SH3KBP1: variants seen among roughly 807,000 people sequenced by gnomAD.
SH3KBP1 encodes the protein SH3 domain containing kinase binding protein 1.
A neutral mutation model predicts 50.1 loss-of-function variants in SH3KBP1; 8 were observed. The observed-to-expected ratio is 0.16, with a 90% CI of 0.09 to 0.29. SH3KBP1 has a LOEUF of 0.29. Ranked by LOEUF, SH3KBP1 falls within the 10% of genes least tolerant of loss-of-function variation. The pLI is 1.00. For synonymous variants in SH3KBP1, 227 were observed against 218.6 expected, an observed-to-expected ratio of 1.04 and a Z score of -0.34; for missense variants, 377 against 535.2, an observed-to-expected ratio of 0.70 and a Z score of 2.92.
intron 1 of SH3KBP1, among the ~76,000 whole-genome samples, chrX:19,871,149 T>C (rs1156674251): frequency 8.9e-6 from 1 of 112,572 alleles, no homozygotes; most frequent in Non-Finnish European, 1.9e-5. Context: ...TCTGGATAAA[T>C]AGAACTTTCT....
At chrX:19,743,379 A>G (rs1181497998) in intron 3 of SH3KBP1, among the ~76,000 whole-genome samples, 5 of 109,821 alleles carry the variant, frequency 4.6e-5, no homozygotes, top group Non-Finnish European at 9.5e-5. Flanking sequence ...ACTGCACTCC[A>G]GCCTGGATGT....
chrX:19,572,393 A>G (rs2066056078), intron 12 of SH3KBP1, among the ~76,000 whole-genome samples: 2 of 92,800 alleles, frequency 2.2e-5, no homozygotes. Flanking sequence ...TAGTACATAC[A>G]TATGTTATAT....
At position 19,541,411 on chromosome X, in the gene SH3KBP1, T is replaced by C. The variant is rs368126501; in HGVS notation, c.1892+514A>G. Among the ~76,000 whole-genome samples, 35 of 111,668 alleles carry C rather than the reference T, an allele frequency of 3.1e-4. 1 individual carries two copies. The East Asian group carries it at 4.5e-3, about 14-fold the overall frequency. ...CTGCCCCGCCCCGCCCACTGCAGTC[T>C]CATGGTGAGAACATCTTACTGAGTG... On this transcript the variant is annotated intron_variant, in intron 16 of 17. Coordinates refer to ENST00000397821, the MANE Select transcript of SH3KBP1 (RefSeq NM_031892.3).
chrX:19,878,301 C>CTTT (rs397956540), intron 1 of SH3KBP1, among the ~76,000 whole-genome samples: 4 of 92,880 alleles, frequency 4.3e-5, no homozygotes, highest in Non-Finnish European at 8.4e-5. Context: ...TGATGTAGAC[C>CTTT]TTTTTTTTTT....
At chrX:19,875,707 G>A (rs1459176308) in intron 1 of SH3KBP1, among the ~76,000 whole-genome samples, 1 of 112,811 alleles carries the variant, frequency 8.9e-6, no homozygotes, top group Admixed American at 9.3e-5. Context: ...AGAAGCTCCG[G>A]TGGGCTCAGT....
intron 2 of SH3KBP1, among the ~76,000 whole-genome samples, chrX:19,760,031 T>TCTCCTCTCTCC (rs1569459369): frequency 1.5e-5 from 1 of 68,927 alleles, no homozygotes; most frequent in Non-Finnish European, 2.7e-5. Flanking sequence ...CTCCTCTCTC[T>TCTCCTCTCTCC]CTCTCTCTCC....
At chrX:19,844,213 C>A (rs981761036) in intron 1 of SH3KBP1, among the ~76,000 whole-genome samples, 16 of 111,238 alleles carry the variant, frequency 1.4e-4, no homozygotes, top group African/African-American at 5.2e-4. Context: ...ACATGCCCTC[C>A]CTACACACAC....
chrX:19,824,506 C>A (rs1053582421), intron 2 of SH3KBP1, among the ~76,000 whole-genome samples: 2 of 111,370 alleles, frequency 1.8e-5, no homozygotes, highest in African/African-American at 6.5e-5. Flanking sequence ...ACGTAGTGCA[C>A]CTGGAGCAGG....
chrX:19,564,400 C>T (rs2065775501), intron 13 of SH3KBP1, among the ~76,000 whole-genome samples: 2 of 111,625 alleles, frequency 1.8e-5, no homozygotes, highest in Non-Finnish European at 3.8e-5. Flanking sequence ...TTGTTATTGT[C>T]CTTTTATGTA....
chrX:19,788,330 A>G (rs1166816098), intron 2 of SH3KBP1, among the ~76,000 whole-genome samples: 2 of 108,763 alleles, frequency 1.8e-5, no homozygotes, highest in Non-Finnish European at 3.8e-5. Flanking sequence ...ACACAGAGAT[A>G]TGCACACAGG....
chrX:19,572,810 T>G (rs1446117993), intron 12 of SH3KBP1, among the ~76,000 whole-genome samples: 1 of 112,263 alleles, frequency 8.9e-6, no homozygotes, highest in Non-Finnish European at 1.9e-5. Context: ...TATAAATGGC[T>G]TATACTAACA....
intron 12 of SH3KBP1, among the ~76,000 whole-genome samples, chrX:19,583,636 TCAGGCTGAA>T (rs2066452266): frequency 9.1e-6 from 1 of 109,954 alleles, no homozygotes; most frequent in Admixed American, 9.9e-5. Context: ...TTCCACTTGC[TCAGGCTGAA>T]CACAGACTGC....
At chrX:19,791,769 A>G (rs1249970902) in intron 2 of SH3KBP1, among the ~76,000 whole-genome samples, 2 of 111,732 alleles carry the variant, frequency 1.8e-5, no homozygotes, top group African/African-American at 6.5e-5. Flanking sequence ...AAGTAGCCTG[A>G]CACAGTTAAG....
chrX:19,713,179 T>C (rs187762523), intron 3 of SH3KBP1, among the ~76,000 whole-genome samples: 27 of 110,746 alleles, frequency 2.4e-4, no homozygotes, highest in Non-Finnish European at 1.9e-5. Flanking sequence ...ATTGTCCCAC[T>C]GCACTCCAAT....
chrX:19,827,269 C>T (rs1049917957), intron 2 of SH3KBP1, among the ~76,000 whole-genome samples: 5 of 111,661 alleles, frequency 4.5e-5, no homozygotes, highest in African/African-American at 1.3e-4. Context: ...GTACTTTTGC[C>T]GAACACATAC....
intron 5 of SH3KBP1, among the ~76,000 whole-genome samples, chrX:19,684,724 C>G (rs753780726): frequency 8.9e-6 from 1 of 112,254 alleles, no homozygotes; most frequent in Admixed American, 9.4e-5. Flanking sequence ...CCCAAACCTA[C>G]AGCCCTTCTT....
chrX:19,549,372 C>T (rs758672390), intron 14 of SH3KBP1, among the ~76,000 whole-genome samples: 6 of 111,581 alleles, frequency 5.4e-5, no homozygotes, highest in African/African-American at 2.0e-4. Flanking sequence ...GTACAATAAA[C>T]GTGTAATAGG....
intron 10 of SH3KBP1, 33 bp from the exon 11 acceptor site, chrX:19,592,180 T>C: frequency 1.7e-5 from 18 of 1,069,970 alleles, no homozygotes; most frequent in Non-Finnish European, 2.2e-5. Flanking sequence ...GATCACAAAA[T>C]GTTTTCTGTA....
intron 8 of SH3KBP1, among the ~76,000 whole-genome samples, chrX:19,627,474 C>T (rs1042905571): frequency 3.6e-5 from 4 of 112,187 alleles, no homozygotes; most frequent in Non-Finnish European, 5.6e-5. Context: ...AACACAGACA[C>T]GGGAGTTATT....
Sources: gnomAD v4.1 joint callset for allele counts (sites outside exome capture counted in the v4.1 genomes callset) on GRCh38, gnomAD v4.1.1 for gene constraint, MANE v1.5 for transcripts, NCBI Gene and HGNC (gene_info 2026-07-23, HGNC 2026-07-21) for gene names.